Variants in CDH18 observed in about 807,000 individuals in gnomAD.
CDH18 encodes the protein cadherin 18.
CDH18 carries 31 observed loss-of-function variants against 67.9 expected under a neutral mutation model. That is an observed-to-expected ratio of 0.46 (90% CI 0.34 to 0.62). The LOEUF is 0.62. Among genes scored for constraint, CDH18 ranks in the 20% least tolerant of loss-of-function variants. The probability of loss-of-function intolerance (pLI) is 0.01; values close to 1 mark genes in which losing one functional copy is unlikely to be tolerated. For missense variants in CDH18, 890 were observed against 975.5 expected (o/e 0.91, Z 1.17); for synonymous variants, 362 against 347.2 (o/e 1.04, Z -0.48).
At chr5:19,595,285 A>C (rs558890383) in intron 6 of CDH18, among the ~76,000 whole-genome samples, 1 of 152,202 alleles carries the variant, frequency 6.6e-6, no homozygotes, top group Non-Finnish European at 1.5e-5. Flanking sequence ...AAAAGACAAA[A>C]GGAAGTGAAG....
At chr5:20,440,721 G>C (rs1749542416) in intron 1 of CDH18, among the ~76,000 whole-genome samples, 1 of 151,904 alleles carries the variant, frequency 6.6e-6, no homozygotes, top group African/African-American at 2.4e-5. Flanking sequence ...AAAGTATGTT[G>C]TTGTTGGAAA....
intron 3 of CDH18, among the ~76,000 whole-genome samples, chr5:19,777,412 G>C (rs1581301873): frequency 6.6e-6 from 1 of 152,228 alleles, no homozygotes; most frequent in East Asian, 1.9e-4. Context: ...AGGCAATCCA[G>C]TTTGGGTAGG....
intron 5 of CDH18, among the ~76,000 whole-genome samples, chr5:19,669,105 C>T (rs114739154): frequency 0.05 from 7,282 of 146,394 alleles, 518 homozygotes; most frequent in African/African-American, 0.16. Context: ...TACAATCTCA[C>T]TTATATATAT....
At chr5:20,411,465 T>G (rs1746768446) in intron 1 of CDH18, among the ~76,000 whole-genome samples, 2 of 152,012 alleles carry the variant, frequency 1.3e-5, no homozygotes, top group Non-Finnish European at 2.9e-5. Flanking sequence ...AAGACTTAAA[T>G]GTAAGAACTC....
intron 3 of CDH18, among the ~76,000 whole-genome samples, chr5:19,754,685 T>G (rs1335125620): frequency 6.6e-6 from 1 of 152,090 alleles, no homozygotes; most frequent in Non-Finnish European, 1.5e-5. Context: ...TGCAGAACAT[T>G]CCATCCAACG....
intron 2 of CDH18, among the ~76,000 whole-genome samples, chr5:19,888,942 T>G (rs1374482693): frequency 6.6e-6 from 1 of 152,174 alleles, no homozygotes; most frequent in Admixed American, 6.5e-5. Context: ...TGTGAGGGAT[T>G]CATTCCAGGA....
intron 1 of CDH18, among the ~76,000 whole-genome samples, chr5:20,357,885 G>A (rs1010219313): frequency 3.3e-5 from 5 of 152,046 alleles, no homozygotes; most frequent in African/African-American, 1.2e-4. Context: ...GCAAAGACAT[G>A]GAATCAACTT....
chr5:19,716,467 C>T (rs967557939), intron 5 of CDH18, among the ~76,000 whole-genome samples: 1 of 151,988 alleles, frequency 6.6e-6, no homozygotes, highest in Non-Finnish European at 1.5e-5. Context: ...TAAGCAGTTT[C>T]TTCATGATAT....
chr5:19,618,616 G>T (rs1750209121), intron 5 of CDH18, among the ~76,000 whole-genome samples: 1 of 152,126 alleles, frequency 6.6e-6, no homozygotes, highest in African/African-American at 2.4e-5. Flanking sequence ...GGGACATGTG[G>T]ACCACTTAAT....
intron 1 of CDH18, among the ~76,000 whole-genome samples, chr5:20,349,094 A>G (rs1231107269): frequency 6.6e-6 from 1 of 152,190 alleles, no homozygotes; most frequent in Non-Finnish European, 1.5e-5. Flanking sequence ...AAAAGTTGAT[A>G]CTTTTATAGA....
intron 2 of CDH18, among the ~76,000 whole-genome samples, chr5:20,073,171 C>T (rs933467180): frequency 2.0e-5 from 3 of 152,036 alleles, no homozygotes; most frequent in African/African-American, 7.2e-5. Flanking sequence ...CTTGAGGAAA[C>T]TAAGATGAGA....
chr5:19,731,833 C>T (rs1323850280), intron 4 of CDH18, among the ~76,000 whole-genome samples: 2 of 152,004 alleles, frequency 1.3e-5, no homozygotes. Flanking sequence ...CTCACACTTG[C>T]AATCCCAGCA....
At chr5:19,723,545 C>A (rs1766389474) in intron 4 of CDH18, among the ~76,000 whole-genome samples, 2 of 152,178 alleles carry the variant, frequency 1.3e-5, no homozygotes, top group African/African-American at 2.4e-5. Context: ...TTTCAAATTA[C>A]AGACCAATCA....
At chr5:19,881,068 G>A (rs142424900) in intron 2 of CDH18, among the ~76,000 whole-genome samples, 1 of 152,266 alleles carries the variant, frequency 6.6e-6, no homozygotes, top group East Asian at 1.9e-4. Flanking sequence ...GGCAAAAGGA[G>A]AGGTGAGAGA....
At chr5:20,558,493 G>T (rs181252121) in intron 1 of CDH18, among the ~76,000 whole-genome samples, 1 of 152,060 alleles carries the variant, frequency 6.6e-6, no homozygotes, top group African/African-American at 2.4e-5. Context: ...GATAAGAAAG[G>T]CCTCTGAACT....
At chr5:19,858,683 A>G (rs1784549398) in intron 2 of CDH18, among the ~76,000 whole-genome samples, 1 of 152,184 alleles carries the variant, frequency 6.6e-6, no homozygotes, top group African/African-American at 2.4e-5. Flanking sequence ...TACTATATCA[A>G]TCCATGGTTC....
chr5:20,266,897 A>G (rs564687334), intron 1 of CDH18, among the ~76,000 whole-genome samples: 1 of 152,238 alleles, frequency 6.6e-6, no homozygotes, highest in South Asian at 2.1e-4. Flanking sequence ...GCAGAACAAA[A>G]TGTGGAACAT....
intron 2 of CDH18, among the ~76,000 whole-genome samples, chr5:20,015,483 A>C (rs528984228): frequency 6.6e-6 from 1 of 152,276 alleles, no homozygotes; most frequent in Non-Finnish European, 1.5e-5. Flanking sequence ...AGCCTAGAAA[A>C]ACTTAGAAAG....
chr5:20,203,581 A>AGAGAG (rs1739623480), intron 2 of CDH18, among the ~76,000 whole-genome samples: 2 of 145,494 alleles, frequency 1.4e-5, no homozygotes, highest in African/African-American at 5.2e-5. Context: ...GTGGAGGGAA[A>AGAGAG]AGAGAGAGAG....
Sources: allele counts gnomAD v4.1 joint callset (sites outside exome capture counted in the v4.1 genomes callset), GRCh38; gene constraint gnomAD v4.1.1; transcripts MANE v1.5; gene names NCBI Gene and HGNC (gene_info 2026-07-23, HGNC 2026-07-21).